The following IL1RAPL2 variants were observed in gnomAD, a reference collection of about 807,000 sequenced individuals.
IL1RAPL2 encodes the protein interleukin 1 receptor accessory protein like 2.
IL1RAPL2 carries 3 observed loss-of-function variants against 44.1 expected under a neutral mutation model. The observed-to-expected ratio is 0.07, with a 90% confidence interval of 0.03 to 0.18. The LOEUF (loss-of-function observed/expected upper bound fraction) is 0.18. IL1RAPL2 is among the 10% of genes least tolerant of loss of function. The probability of loss-of-function intolerance (pLI) is 1.00; values close to 1 mark genes in which losing one functional copy is unlikely to be tolerated. For missense variants in IL1RAPL2, 391 were observed against 496.4 expected (o/e 0.79, Z 2.02); for synonymous variants, 181 against 178.8 (o/e 1.01, Z -0.10).
At chrX:105,685,571 T>TTTGA (rs1354742382) in intron 6 of IL1RAPL2, among the ~76,000 whole-genome samples, 1 of 111,809 alleles carries the variant, frequency 8.9e-6, no homozygotes, top group East Asian at 2.8e-4. Flanking sequence ...CAAATCTACA[T>TTTGA]TTGATTGGTG....
intron 1 of IL1RAPL2, among the ~76,000 whole-genome samples, chrX:104,655,224 G>T (rs1053792223): frequency 9.0e-6 from 1 of 111,691 alleles, no homozygotes; most frequent in Admixed American, 9.5e-5. Flanking sequence ...AATAGGAGTG[G>T]TGAGAGAGGG....
chrX:104,836,493 T>C (rs979667943), intron 2 of IL1RAPL2, among the ~76,000 whole-genome samples: 2 of 110,493 alleles, frequency 1.8e-5, no homozygotes, highest in African/African-American at 6.6e-5. Context: ...TTATTACACA[T>C]TGTATGCCTA....
intron 2 of IL1RAPL2, among the ~76,000 whole-genome samples, chrX:104,956,319 A>G (rs1368121007): frequency 9.0e-6 from 1 of 111,704 alleles, no homozygotes; most frequent in Non-Finnish European, 1.9e-5. Context: ...CCTCAATTTC[A>G]CCATCTGTAA....
chrX:104,920,106 C>T (rs903399609), intron 2 of IL1RAPL2, among the ~76,000 whole-genome samples: 7 of 110,077 alleles, frequency 6.4e-5, no homozygotes, highest in African/African-American at 2.3e-4. Flanking sequence ...CATTTCTTCT[C>T]CTCCTCTTCC....
chrX:105,748,831 T>C, intron 8 of IL1RAPL2, 129 bp from the exon 9 acceptor site: 1 of 548,505 alleles, frequency 1.8e-6, no homozygotes, highest in East Asian at 3.5e-5. Context: ...AGAGCAAAGC[T>C]ACTGCATTAA....
chrX:105,652,073 C>A (rs2037646125), intron 6 of IL1RAPL2, among the ~76,000 whole-genome samples: 3 of 111,413 alleles, frequency 2.7e-5, no homozygotes, highest in Admixed American at 1.9e-4. Flanking sequence ...GTGGCTTCAG[C>A]TAGAAAGAGA....
intron 2 of IL1RAPL2, among the ~76,000 whole-genome samples, chrX:104,943,350 G>T (rs944752491): frequency 4.5e-5 from 5 of 111,496 alleles, no homozygotes; most frequent in African/African-American, 1.6e-4. Context: ...TAACCAACTT[G>T]ACTACACCTT....
chrX:104,827,071 C>T (rs1921474270), intron 2 of IL1RAPL2, among the ~76,000 whole-genome samples: 1 of 106,329 alleles, frequency 9.4e-6, no homozygotes, highest in East Asian at 3.0e-4. Context: ...GGTCTTGACT[C>T]TTTATCCAAT....
intron 5 of IL1RAPL2, among the ~76,000 whole-genome samples, chrX:105,413,199 G>A (rs979421534): frequency 9.0e-6 from 1 of 111,496 alleles, no homozygotes; most frequent in Non-Finnish European, 1.9e-5. Context: ...TGCTAATGTC[G>A]ATAACATGGG....
At chrX:105,529,358 A>C (rs946076760) in intron 6 of IL1RAPL2, among the ~76,000 whole-genome samples, 1 of 111,343 alleles carries the variant, frequency 9.0e-6, no homozygotes, top group Non-Finnish European at 1.9e-5. Context: ...AGACTATTTG[A>C]ATACTCTGTT....
intron 6 of IL1RAPL2, among the ~76,000 whole-genome samples, chrX:105,544,463 A>G (rs1038026039): frequency 2.8e-5 from 3 of 108,602 alleles, no homozygotes; most frequent in Non-Finnish European, 1.9e-5. Context: ...GATCTCTTGT[A>G]CAGTGTTCAA....
rs888631281 is a variant in IL1RAPL2 at position 104,715,902 on chromosome X, C to T, written c.82+56907C>T. Among the ~76,000 whole-genome samples, 5 of 110,918 alleles carry T rather than the reference C, an allele frequency of 4.5e-5. No homozygotes were observed. The Admixed American group carries it at 4.8e-4, about 11-fold the overall frequency. On this transcript the variant is annotated intron_variant, in intron 2 of 10. Transcript: ENST00000372582. Reference sequence around the variant, plus strand: ...TTCAATGCTATGCCTATTAAACAACCACTGACATTCTTTACCGAACTAGTG... The same window carrying T: ...TTCAATGCTATGCCTATTAAACAACTACTGACATTCTTTACCGAACTAGTG...
chrX:105,534,744 A>G (rs1290660856), intron 6 of IL1RAPL2, among the ~76,000 whole-genome samples: 1 of 112,026 alleles, frequency 8.9e-6, no homozygotes, highest in Non-Finnish European at 1.9e-5. Context: ...AGGCAATTCT[A>G]TGTAGAAAGG....
intron 4 of IL1RAPL2, among the ~76,000 whole-genome samples, chrX:105,243,504 A>G (rs1333648856): frequency 9.4e-6 from 1 of 106,534 alleles, no homozygotes; most frequent in African/African-American, 3.4e-5. Context: ...TAATGTACAT[A>G]AGCAGATATC....
intron 2 of IL1RAPL2, among the ~76,000 whole-genome samples, chrX:104,748,690 T>C (rs1932212843): frequency 9.0e-6 from 1 of 111,623 alleles, no homozygotes; most frequent in African/African-American, 3.3e-5. Flanking sequence ...AACCTAATTA[T>C]ATTCAATGTG....
intron 5 of IL1RAPL2, among the ~76,000 whole-genome samples, chrX:105,371,545 A>G (rs1036453385): frequency 1.5e-4 from 17 of 111,729 alleles, no homozygotes; most frequent in Non-Finnish European, 3.2e-4. Flanking sequence ...AGTCAGCCAA[A>G]CTTCATATTT....
At chrX:104,575,163 G>T (rs1158555136) in intron 1 of IL1RAPL2, among the ~76,000 whole-genome samples, 1 of 110,555 alleles carries the variant, frequency 9.0e-6, no homozygotes, top group East Asian at 2.8e-4. Context: ...AAAGTAACCT[G>T]GGAGCAGGAC....
chrX:105,384,697 G>A (rs1351425946), intron 5 of IL1RAPL2, among the ~76,000 whole-genome samples: 2 of 110,755 alleles, frequency 1.8e-5, no homozygotes, highest in African/African-American at 6.6e-5. Context: ...GACTGCTTTG[G>A]GTAGTATGGA....
chrX:105,003,843 C>A (rs2030894956), intron 2 of IL1RAPL2, among the ~76,000 whole-genome samples: 1 of 111,472 alleles, frequency 9.0e-6, no homozygotes, highest in Non-Finnish European at 1.9e-5. Context: ...TTCCTCCTCT[C>A]TTCCATGAGA....
Sources: allele counts gnomAD v4.1 joint callset (sites outside exome capture counted in the v4.1 genomes callset), GRCh38; gene constraint gnomAD v4.1.1; transcripts MANE v1.5; gene names NCBI Gene and HGNC (gene_info 2026-07-23, HGNC 2026-07-21).